The following PDE1A variants were observed in gnomAD, a reference collection of about 807,000 sequenced individuals.
PDE1A encodes dual specificity calcium/calmodulin-dependent 3',5'-cyclic nucleotide phosphodiesterase 1A.
In PDE1A, 35 loss-of-function variants were observed where a neutral mutation model predicts 61.7. That is an observed-to-expected ratio of 0.57 (90% confidence interval 0.43 to 0.75). The LOEUF (loss-of-function observed/expected upper bound fraction) is 0.75. Among genes scored for constraint, PDE1A ranks in the 30% least tolerant of loss-of-function variants. PDE1A has a pLI of 0.00. For missense variants in PDE1A, 597 were observed against 630.6 expected (o/e 0.95, Z 0.57); for synonymous variants, 232 against 213.2 (o/e 1.09, Z -0.77).
the PDE1A span, among the ~76,000 whole-genome samples, chr2:182,648,511 CAAAAA>C: frequency 5.2e-5 from 4 of 76,208 alleles, no homozygotes; most frequent in African/African-American, 1.8e-4. Context: ...CCTGTCCCCA[CAAAAA>C]AAAAAAAAAA....
At chr2:182,279,667 A>G (rs1204773066) in intron 1 of PDE1A, among the ~76,000 whole-genome samples, 1 of 151,910 alleles carries the variant, frequency 6.6e-6, no homozygotes, top group African/African-American at 2.4e-5. Flanking sequence ...GGAGTAAATT[A>G]TGGACAAAAT....
At chr2:182,590,372 GT>G in the PDE1A span, among the ~76,000 whole-genome samples, 1 of 152,058 alleles carries the variant, frequency 6.6e-6, no homozygotes, top group Non-Finnish European at 1.5e-5. Flanking sequence ...GTAGACTGAG[GT>G]GGAAGGATCT....
At chr2:182,509,832 T>C (rs966479768) in intron 2 of PDE1A, among the ~76,000 whole-genome samples, 2 of 152,208 alleles carry the variant, frequency 1.3e-5, no homozygotes, top group African/African-American at 2.4e-5. Context: ...TTGAACCAAC[T>C]CTTAGAAAGT....
At chr2:182,559,957 G>A in the PDE1A span, among the ~76,000 whole-genome samples, 3 of 151,952 alleles carry the variant, frequency 2.0e-5, no homozygotes, top group Admixed American at 1.3e-4. Context: ...GTTACCCTCA[G>A]TATGGGTAGG....
intron 2 of PDE1A, among the ~76,000 whole-genome samples, chr2:182,447,029 A>T (rs892041788): frequency 7.2e-5 from 11 of 151,934 alleles, no homozygotes; most frequent in South Asian, 2.1e-4. Flanking sequence ...TAATCTATAC[A>T]TTAAACTCCA....
At chr2:182,673,627 C>T in the PDE1A span, among the ~76,000 whole-genome samples, 11 of 152,002 alleles carry the variant, frequency 7.2e-5, no homozygotes, top group African/African-American at 2.7e-4. Context: ...ATATTGTAAT[C>T]TAATTCCATT....
chr2:182,409,799 T>C (rs565797778), intron 1 of PDE1A, among the ~76,000 whole-genome samples: 1 of 152,220 alleles, frequency 6.6e-6, no homozygotes, highest in African/African-American at 2.4e-5. Flanking sequence ...ATGTACCATA[T>C]GGTCTATTAG....
At chr2:182,592,395 G>GTA in the PDE1A span, among the ~76,000 whole-genome samples, 2 of 152,184 alleles carry the variant, frequency 1.3e-5, no homozygotes, top group Non-Finnish European at 2.9e-5. Flanking sequence ...AGTTTTGCAA[G>GTA]TATATAAATA....
At chr2:182,504,090 G>A (rs1689254586) in intron 2 of PDE1A, among the ~76,000 whole-genome samples, 1 of 152,156 alleles carries the variant, frequency 6.6e-6, no homozygotes, top group African/African-American at 2.4e-5. Flanking sequence ...TCTAACCAGT[G>A]GCTAAGATTA....
At chr2:182,585,556 A>T in the PDE1A span, among the ~76,000 whole-genome samples, 1 of 152,190 alleles carries the variant, frequency 6.6e-6, no homozygotes, top group Non-Finnish European at 1.5e-5. Context: ...CACCTTTAAG[A>T]AAGTGGGTTT....
At chr2:182,441,432 C>T (rs7569537) in intron 2 of PDE1A, among the ~76,000 whole-genome samples, 100,082 of 151,786 alleles carry the variant, frequency 0.66, 33,232 homozygotes, top group East Asian at 0.9. Context: ...TGATTGGAGA[C>T]GGAATTTCAC....
chr2:182,498,425 T>G (rs1201313681), intron 2 of PDE1A, among the ~76,000 whole-genome samples: 1 of 152,040 alleles, frequency 6.6e-6, no homozygotes, highest in East Asian at 1.9e-4. Flanking sequence ...GTTAAAGTTT[T>G]GTATTTTTTT....
intron 11 of PDE1A, among the ~76,000 whole-genome samples, chr2:182,187,281 C>T (rs756712138): frequency 6.6e-6 from 1 of 152,198 alleles, no homozygotes; most frequent in Non-Finnish European, 1.5e-5. Flanking sequence ...ATTTAAAGTA[C>T]TCATCAAGAT....
chr2:182,157,856 C>G (rs556650455), intron 13 of PDE1A, among the ~76,000 whole-genome samples: 1 of 152,292 alleles, frequency 6.6e-6, no homozygotes, highest in Admixed American at 6.5e-5. Context: ...CATCTTTTAG[C>G]TTGAAGCCAC....
chr2:182,273,816 A>G (rs1157156402), intron 1 of PDE1A, among the ~76,000 whole-genome samples: 2 of 152,094 alleles, frequency 1.3e-5, no homozygotes, highest in Admixed American at 1.3e-4. Context: ...AACCAGTAAA[A>G]TCTATTACTA....
At chr2:182,418,617 A>T (rs1328339742) in intron 1 of PDE1A, among the ~76,000 whole-genome samples, 1 of 152,226 alleles carries the variant, frequency 6.6e-6, no homozygotes, top group Non-Finnish European at 1.5e-5. Flanking sequence ...CAAAAAAAGC[A>T]TAAGCGTTTT....
At chr2:182,426,551 A>G in intron 1 of PDE1A, 27 bp downstream of exon 1, 1 of 1,480,088 alleles carries the variant, frequency 6.8e-7, no homozygotes. Flanking sequence ...ACAGCCCTAG[A>G]GCCACCTGCG....
chr2:182,390,130 T>A (rs1701338096), intron 1 of PDE1A, among the ~76,000 whole-genome samples: 1 of 152,170 alleles, frequency 6.6e-6, no homozygotes, highest in African/African-American at 2.4e-5. Flanking sequence ...CTCCTCATCA[T>A]ATATACATCT....
rs1434810381 is a variant in PDE1A, at chr2:182,402,222, T to G, written c.53+24356A>C. 9.9e-5 allele frequency among the ~76,000 whole-genome samples: 15 copies of G among 151,988 alleles called. 1 individual carries two copies. The highest frequency in any genetic ancestry group is 9.8e-4 in the Admixed American group (15 of 15,262). On this transcript the variant is annotated intron_variant, in intron 1 of 13. Coordinates refer to ENST00000351439, the Ensembl canonical transcript of PDE1A. ...AAAACAGCCCGCATAGCAAAGACAA[T>G]ACTAAGCAAAAAGAAAAAAGCTGGA...
Sources: gnomAD v4.1 joint callset for allele counts (sites outside exome capture counted in the v4.1 genomes callset) on GRCh38, gnomAD v4.1.1 for gene constraint, MANE v1.5 for transcripts, NCBI Gene and HGNC (gene_info 2026-07-23, HGNC 2026-07-21) for gene names.